SERPINC1: variants seen among roughly 807,000 people sequenced by gnomAD.
SERPINC1 encodes the protein antithrombin-III.
Under a neutral mutation model 43.4 loss-of-function variants are expected in SERPINC1, and 12 were observed. That is an observed-to-expected ratio of 0.28 (90% confidence interval 0.18 to 0.45). The LOEUF (loss-of-function observed/expected upper bound fraction) is 0.45, where lower values mean the gene tolerates loss of function less well. SERPINC1 is among the 20% of genes least tolerant of loss of function. The pLI is 1.00. For synonymous variants in SERPINC1, 210 were observed against 218.9 expected (o/e 0.96, Z 0.36); for missense variants, 423 against 578.8 (o/e 0.73, Z 2.76).
At chr1:173,909,395 A>T (rs970656114) in intron 5 of SERPINC1, among the ~76,000 whole-genome samples, 157 bp downstream of exon 5, 1 of 152,246 alleles carries the variant, frequency 6.6e-6, no homozygotes, top group African/African-American at 2.4e-5. Context: ...CTGAGGTCTC[A>T]AAAGGAAAAG....
Position 173,910,909 on chromosome 1 carries a change from T to C in SERPINC1, c.625-18A>G. ...GCATTTTCCTGAGGAGAACAGAAAA[T>C]AAACCTACTCACCTGTGCTATTCAA... is the stretch of plus-strand genomic sequence containing the variant. On this transcript the variant is annotated intron_variant, in intron 3 of 6. Transcript: ENST00000367698. The C allele has an allele frequency of 6.2e-7, 1 of 1,614,026 alleles. No homozygotes were observed.
intron 5 of SERPINC1, among the ~76,000 whole-genome samples, chr1:173,908,490 CAAAAAA>C (rs753240633): frequency 9.3e-5 from 5 of 54,046 alleles, no homozygotes; most frequent in Non-Finnish European, 1.8e-4. Context: ...GACTTCGTCT[CAAAAAA>C]AAAAAAAAAA....
intron 1 of SERPINC1, chr1:173,915,262 C>T (rs1657940015): frequency 6.1e-6 from 6 of 977,492 alleles, no homozygotes; most frequent in Non-Finnish European, 7.9e-6. Context: ...CTTTAGTGCC[C>T]AGTGAAGAGT....
At chr1:173,911,572 G>A (rs1253432731) in intron 3 of SERPINC1, among the ~76,000 whole-genome samples, 3 of 152,210 alleles carry the variant, frequency 2.0e-5, no homozygotes, top group African/African-American at 7.2e-5. Flanking sequence ...ATGAAGAATT[G>A]ATTATTAATT....
chr1:173,911,779 G>A lies in SERPINC1; in HGVS notation c.624+20C>T. 6.3e-7 allele frequency: 1 copy of A among 1,589,064 alleles called. No individual in the cohort carries two copies. Among genetic ancestry groups the A allele is most frequent in the Non-Finnish European group, 8.6e-7 (1 of 1,157,226 alleles). The stretch of plus-strand genomic sequence containing the variant: ...TGGAGAGGAAGAACTCGGAGGTCAG[G>A]GGTAACATCTGCAACTCACCTTGAA... On this transcript the variant is annotated intron_variant, in intron 3 of 6. Coordinates refer to ENST00000367698, the MANE Select transcript of SERPINC1 (RefSeq NM_000488.4).
intron 6 of SERPINC1, among the ~76,000 whole-genome samples, chr1:173,905,130 G>A (rs979197123): frequency 4.6e-5 from 7 of 152,150 alleles, no homozygotes; most frequent in African/African-American, 1.7e-4. Context: ...CCTTACCAGA[G>A]GATATTCAAT....
chr1:173,908,619 G>A (rs1182058000), intron 5 of SERPINC1, among the ~76,000 whole-genome samples: 1 of 151,852 alleles, frequency 6.6e-6, no homozygotes, highest in Non-Finnish European at 1.5e-5. Context: ...GGAGTGCAGT[G>A]GTGTGATCAC....
chr1:173,907,331 T>C (rs1657558044), intron 6 of SERPINC1, 119 bp downstream of exon 6: 3 of 804,692 alleles, frequency 3.7e-6, no homozygotes, highest in Admixed American at 3.4e-5. Flanking sequence ...GGCTGTATTA[T>C]AGCAGGCCTG....
At position 173,905,606 on chromosome 1, in the gene SERPINC1, A is replaced by G. The variant is rs1360484707; in HGVS notation, c.1219-1541T>C. Among the ~76,000 whole-genome samples, 4 of 152,112 alleles carry G rather than the reference A, an allele frequency of 2.6e-5. No individual in the cohort carries two copies. The East Asian group carries it at 7.7e-4, about 29-fold the overall frequency. ...CGTGGTGGCGGGCACCTGTAGTCCC[A>G]GCTACTTGGGAGGCTGAGGCGAGAG... On this transcript the variant is annotated intron_variant, in intron 6 of 6. Coordinates refer to ENST00000367698, the MANE Select transcript of SERPINC1 (RefSeq NM_000488.4).
At position 173,903,878 on chromosome 1, in the gene SERPINC1, A is replaced by G. The variant is rs1657364843; in HGVS notation, c.*11T>C. On this transcript the variant is annotated 3_prime_UTR_variant, in exon 7 of 7. Transcript: ENST00000367698. ...CCAAAAATAGGAAGAGGTGCAAAGA[A>G]TAAGAACATTTTACTTAACACAAGG... is the stretch of plus-strand genomic sequence containing the variant. 1.2e-6 allele frequency: 2 copies of G among 1,613,196 alleles called. No homozygotes were observed. The highest frequency in any genetic ancestry group is 1.7e-6 in the Non-Finnish European group (2 of 1,179,260).
rs1404267784 is a variant in SERPINC1 at position 173,909,783 on chromosome 1, C to T, written c.922G>A (p.Gly308Ser). The T allele has an allele frequency of 8.1e-6, 13 of 1,614,114 alleles. No individual in the cohort carries two copies. The highest frequency in any genetic ancestry group is 1.0e-5 in the Non-Finnish European group (12 of 1,180,036). Residue 308 changes from glycine (G) to serine (S), a missense_variant, in exon 5 of 7, where the codon GGT becomes AGT. Physicochemically the swap from Gly to Ser is moderately conservative, Grantham distance 56. Transcript: ENST00000367698. ...GTQVLELPFK[G>S]DDITMVLILP... The stretch of plus-strand genomic sequence containing the variant: ...ATGAGGACCATGGTGATGTCATCAC[C>T]TTTGAAGGGCAACTCAAGCACCTGG...
chr1:173,910,979 T>TC (rs1557902856), intron 3 of SERPINC1, 88 bp from the exon 4 acceptor site: 1 of 1,441,776 alleles, frequency 6.9e-7, no homozygotes. Context: ...TTTCTCACCA[T>TC]CCCTCTGTCC....
chr1:173,917,074 A>G, intron 1 of SERPINC1, 145 bp downstream of exon 1: 1 of 747,500 alleles, frequency 1.3e-6, no homozygotes, highest in Non-Finnish European at 2.4e-6. Flanking sequence ...AGCACTTGAA[A>G]TGACGTCTTC....
intron 1 of SERPINC1, among the ~76,000 whole-genome samples, chr1:173,916,310 G>A (rs1009939873): frequency 3.9e-5 from 6 of 152,164 alleles, no homozygotes; most frequent in African/African-American, 1.4e-4. Flanking sequence ...ATCTTCTCCT[G>A]GGAGAGAAAG....
intron 3 of SERPINC1, among the ~76,000 whole-genome samples, chr1:173,911,455 G>A (rs1657766373): frequency 1.3e-5 from 2 of 152,196 alleles, no homozygotes; most frequent in Admixed American, 6.5e-5. Flanking sequence ...CATGCATCAT[G>A]TACCAACTTT....
chr1:173,913,314 C>A (rs1187994806), intron 2 of SERPINC1, among the ~76,000 whole-genome samples: 1 of 152,170 alleles, frequency 6.6e-6, no homozygotes, highest in African/African-American at 2.4e-5. Context: ...ATCAATCAAT[C>A]TATGACATTT....
intron 5 of SERPINC1, among the ~76,000 whole-genome samples, chr1:173,907,997 A>AATAAT (rs1657597593): frequency 1.1e-5 from 1 of 91,348 alleles, no homozygotes; most frequent in Admixed American, 1.0e-4. Context: ...TAATAATAAT[A>AATAAT]ATAATAATAA....
chr1:173,914,850 C>T lies in SERPINC1; in HGVS notation c.111G>A (p.Val37=), dbSNP rs1303077200. The T allele has an allele frequency of 6.2e-7, 1 of 1,614,212 alleles. No homozygotes were observed. Among genetic ancestry groups the T allele is most frequent in the Admixed American group, 1.7e-5 (1 of 60,022 alleles). ...CCCGCGGCTTGGCTGTGCAGATGTCCACAGGGCTCCCGTGACAGGTCACGC... is the reference window on the plus strand; with the variant it reads ...CCCGCGGCTTGGCTGTGCAGATGTCTACAGGGCTCCCGTGACAGGTCACGC... ...WDCVTCHGSP[V]DICTAKPRDI... The change falls in exon 2 of 7, where the codon GTG becomes GTA. Residue 37 remains valine, a synonymous_variant. Coordinates refer to ENST00000367698, the MANE Select transcript of SERPINC1 (RefSeq NM_000488.4).
chr1:173,913,822 T>C (rs1466557155), intron 2 of SERPINC1, among the ~76,000 whole-genome samples: 1 of 144,648 alleles, frequency 6.9e-6, no homozygotes, highest in African/African-American at 2.6e-5. Flanking sequence ...GCCACTGCGC[T>C]CCAGCCTGGA....
Sources: gnomAD v4.1 joint callset for allele counts (sites outside exome capture counted in the v4.1 genomes callset) on GRCh38, gnomAD v4.1.1 for gene constraint, MANE v1.5 for transcripts, NCBI Gene and HGNC (gene_info 2026-07-23, HGNC 2026-07-21) for gene names.